The following ST6GALNAC5 variants were observed in gnomAD, a reference collection of about 807,000 sequenced individuals.
The protein encoded by ST6GALNAC5 is ST6 N-acetylgalactosaminide alpha-2,6-sialyltransferase 5.
In ST6GALNAC5, 27 loss-of-function variants were observed where a neutral mutation model predicts 33.6. The ratio of observed to expected loss-of-function variants is 0.80; its 90% confidence interval spans 0.59 to 1.11. The LOEUF (loss-of-function observed/expected upper bound fraction) is 1.11, where lower values mean the gene tolerates loss of function less well. Among genes scored for constraint, ST6GALNAC5 ranks in the 50% least tolerant of loss-of-function variants. The pLI is 0.00. For missense variants in ST6GALNAC5, 428 were observed against 454.0 expected (o/e 0.94, Z 0.52); for synonymous variants, 194 against 171.2 (o/e 1.13, Z -1.04).
Position 77,064,517 on chromosome 1 carries a change from T to C in ST6GALNAC5, c.*1311T>C, listed in dbSNP as rs938699162. ...GTGAGGAAAAGAGACTACAAGGACA[T>C]GCCCTATCATTCAACTCATTTATGC... On this transcript the variant is annotated 3_prime_UTR_variant, in exon 5 of 5. Transcript: ENST00000477717. 5 of 152,114 alleles carry C rather than the reference T, an allele frequency of 3.3e-5. No homozygotes were observed. The highest frequency in any genetic ancestry group is 1.2e-4 in the African/African-American group (5 of 41,422). 9.4% of individuals were successfully genotyped at this position (152,114 alleles called of 1,614,324 possible). A position where few individuals can be genotyped will look rare whatever the true frequency, so the allele number is the denominator to read the frequency against.
At chr1:76,954,955 T>C (rs1182363912) in intron 2 of ST6GALNAC5, among the ~76,000 whole-genome samples, 1 of 151,992 alleles carries the variant, frequency 6.6e-6, no homozygotes, top group Admixed American at 6.6e-5. Flanking sequence ...ACTTGATGAG[T>C]TCTGGTCTAT....
At chr1:76,978,335 T>C (rs1410883222) in intron 2 of ST6GALNAC5, among the ~76,000 whole-genome samples, 1 of 152,160 alleles carries the variant, frequency 6.6e-6, no homozygotes, top group Non-Finnish European at 1.5e-5. Flanking sequence ...TGTAATCCCA[T>C]TTGTCTATTT....
rs1351547243 is a variant in ST6GALNAC5, at chr1:77,064,839, G to A, written c.*1633G>A. 1 of 152,156 alleles carries A rather than the reference G, an allele frequency of 6.6e-6. No homozygotes were observed. Among genetic ancestry groups the A allele is most frequent in the Non-Finnish European group, 1.5e-5 (1 of 68,010 alleles). The allele number at this position is 152,156 out of a possible 1,614,324, so 9.4% of individuals were successfully genotyped here. Reference sequence around the variant, plus strand: ...CATGACCTGGCTTATGATAAAAGAAGTTTTATCGCATTACCACTTCTTTTC... The same window carrying A: ...CATGACCTGGCTTATGATAAAAGAAATTTTATCGCATTACCACTTCTTTTC... On this transcript the variant is annotated 3_prime_UTR_variant, in exon 5 of 5. Transcript: ENST00000477717.
chr1:76,952,347 A>G lies in ST6GALNAC5; in HGVS notation c.261+83605A>G, dbSNP rs142118211. On this transcript the variant is annotated intron_variant, in intron 2 of 4. Coordinates refer to ENST00000477717, the MANE Select transcript of ST6GALNAC5 (RefSeq NM_030965.3). ...CTATATGTTGAAGCCCTGACCCCCA[A>G]TGTGATGGTATTTGGAGAAGGCTCC... 4.7e-3 allele frequency among the ~76,000 whole-genome samples: 715 copies of G among 152,096 alleles called. 11 individuals are homozygous for G. The highest frequency in any genetic ancestry group is 0.016 in the African/African-American group (674 of 41,508).
chr1:76,945,495 A>G (rs1434585788), intron 2 of ST6GALNAC5, among the ~76,000 whole-genome samples: 3 of 152,056 alleles, frequency 2.0e-5, no homozygotes, highest in African/African-American at 7.2e-5. Context: ...ATGTTTCTCT[A>G]TTTTGTAGAC....
At chr1:76,992,231 T>C (rs1639208625) in intron 2 of ST6GALNAC5, among the ~76,000 whole-genome samples, 2 of 152,166 alleles carry the variant, frequency 1.3e-5, no homozygotes, top group Non-Finnish European at 1.5e-5. Context: ...AGTAACTCTA[T>C]GTCTTTTAGC....
At chr1:76,993,187 T>C (rs1649804216) in intron 2 of ST6GALNAC5, among the ~76,000 whole-genome samples, 1 of 152,186 alleles carries the variant, frequency 6.6e-6, no homozygotes, top group African/African-American at 2.4e-5. Context: ...CTTTGCGAAC[T>C]CTCTAGCATT....
intron 2 of ST6GALNAC5, among the ~76,000 whole-genome samples, chr1:77,018,825 A>G (rs1348036765): frequency 6.6e-6 from 1 of 152,238 alleles, no homozygotes; most frequent in Non-Finnish European, 1.5e-5. Flanking sequence ...TTAGTCCACT[A>G]TCATTCTTAA....
intron 2 of ST6GALNAC5, among the ~76,000 whole-genome samples, chr1:76,949,246 G>C (rs997512426): frequency 6.6e-6 from 1 of 152,098 alleles, no homozygotes; most frequent in Non-Finnish European, 1.5e-5. Context: ...TTAAGAACTG[G>C]GAATTCGTTT....
In ST6GALNAC5 at chr1:76,867,487, A is replaced by G; in HGVS notation, c.-189A>G. 2 of 814,974 alleles carry G rather than the reference A, an allele frequency of 2.5e-6. No homozygotes were observed. The highest frequency in any genetic ancestry group is 4.1e-6 in the Non-Finnish European group (2 of 488,394). 50.5% of individuals were successfully genotyped at this position (814,974 alleles called of 1,614,324 possible). A position where few individuals can be genotyped will look rare whatever the true frequency, so the allele number is the denominator to read the frequency against. On this transcript the variant is annotated 5_prime_UTR_variant, in exon 1 of 5. Transcript: ENST00000477717. Reference sequence around the variant, plus strand: ...ACTACGAGGGTCCGGTTCAGTTTTAATTCTGTCTCTAATCTCTGCAACAGC... The same window carrying G: ...ACTACGAGGGTCCGGTTCAGTTTTAGTTCTGTCTCTAATCTCTGCAACAGC...
chr1:76,961,092 G>T (rs1477120923), intron 2 of ST6GALNAC5, among the ~76,000 whole-genome samples: 1 of 152,152 alleles, frequency 6.6e-6, no homozygotes, highest in East Asian at 1.9e-4. Flanking sequence ...ACAGGCATAA[G>T]AAATTATAAA....
chr1:76,991,913 G>A (rs1026191911), intron 2 of ST6GALNAC5, among the ~76,000 whole-genome samples: 4 of 151,680 alleles, frequency 2.6e-5, no homozygotes, highest in Non-Finnish European at 5.9e-5. Context: ...ATATTTCATG[G>A]CCTTCATTTT....
chr1:76,972,242 C>G (rs1648788572), intron 2 of ST6GALNAC5, among the ~76,000 whole-genome samples: 1 of 152,100 alleles, frequency 6.6e-6, no homozygotes, highest in African/African-American at 2.4e-5. Context: ...TTAAAACCAT[C>G]AGCTCTTGTG....
chr1:76,995,092 A>G (rs1649877007), intron 2 of ST6GALNAC5, among the ~76,000 whole-genome samples: 1 of 152,194 alleles, frequency 6.6e-6, no homozygotes, highest in Non-Finnish European at 1.5e-5. Context: ...TTAGGTTTAC[A>G]TTATATAAAA....
At chr1:77,035,930 A>G (rs552230455) in intron 2 of ST6GALNAC5, among the ~76,000 whole-genome samples, 4 of 152,366 alleles carry the variant, frequency 2.6e-5, no homozygotes, top group African/African-American at 9.6e-5. Context: ...AAATGAAAAC[A>G]TATGTCCACA....
chr1:77,029,968 A>G (rs1651392063), intron 2 of ST6GALNAC5, among the ~76,000 whole-genome samples: 1 of 152,226 alleles, frequency 6.6e-6, no homozygotes, highest in Non-Finnish European at 1.5e-5. Flanking sequence ...TGTGTTGTAT[A>G]CCAGCAGCTT....
intron 2 of ST6GALNAC5, among the ~76,000 whole-genome samples, chr1:77,033,727 C>G (rs1271445829): frequency 6.6e-6 from 1 of 152,066 alleles, no homozygotes; most frequent in Non-Finnish European, 1.5e-5. Context: ...AAAGCAAAGG[C>G]TGGAGACCAG....
At chr1:76,908,986 A>G (rs1557718451) in intron 2 of ST6GALNAC5, among the ~76,000 whole-genome samples, 1 of 152,204 alleles carries the variant, frequency 6.6e-6, no homozygotes, top group Non-Finnish European at 1.5e-5. Flanking sequence ...ACTTTAAATC[A>G]TAACTACCCA....
chr1:76,974,537 T>C (rs1466313185), intron 2 of ST6GALNAC5, among the ~76,000 whole-genome samples: 1 of 151,922 alleles, frequency 6.6e-6, no homozygotes, highest in Non-Finnish European at 1.5e-5. Flanking sequence ...CAGAAGCTTC[T>C]TTCTTCTTGA....
Sources: gnomAD v4.1 joint callset for allele counts (sites outside exome capture counted in the v4.1 genomes callset) on GRCh38, gnomAD v4.1.1 for gene constraint, MANE v1.5 for transcripts, NCBI Gene and HGNC (gene_info 2026-07-23, HGNC 2026-07-21) for gene names.